The following ZXDB variants were observed in gnomAD, a reference collection of about 807,000 sequenced individuals.
ZXDB encodes zinc finger X-linked duplicated B.
For missense variants in ZXDB, 413 were observed against 679.1 expected, an observed-to-expected ratio of 0.61 and a Z score of 4.36; for synonymous variants, 273 against 314.3, an observed-to-expected ratio of 0.87 and a Z score of 1.39.
rs1602951207 is a variant in ZXDB at position 57,596,180 on chromosome X, TGCCCACATGCATAAGA to T, written c.*1723_*1738del. The T allele has an allele frequency of 8.1e-6, 1 of 123,031 alleles. No individual in the cohort carries two copies. Among genetic ancestry groups the T allele is most frequent in the Non-Finnish European group, 1.9e-5 (1 of 53,209 alleles). The allele number at this position is 123,031 out of a possible 1,213,427, so 10.1% of individuals were successfully genotyped here. A position where few individuals can be genotyped will look rare whatever the true frequency, so the allele number is the denominator to read the frequency against. On this transcript the variant is annotated 3_prime_UTR_variant, in exon 1 of 1. Transcript: ENST00000374888. ...TGGGTAATACCAGGAGTGGGGACAT[TGCCCACATGCATAAGA>T]GCGTATCTCTCCATTCGATCAGTTT...
In ZXDB at chrX:57,597,236, A is replaced by G. The variant is rs2057913255; in HGVS notation, c.*2776A>G. ...GGTTGTATTCATTTAGTGAAAAACA[A>G]AAAGTAGATGTACTTCTGTAAATCA... On this transcript the variant is annotated 3_prime_UTR_variant, in exon 1 of 1. Coordinates refer to ENST00000374888, the MANE Select transcript of ZXDB (RefSeq NM_007157.4). The G allele has an allele frequency of 8.1e-6, 1 of 123,652 alleles. No individual in the cohort carries two copies. Among genetic ancestry groups the G allele is most frequent in the South Asian group, 3.7e-4 (1 of 2,734 alleles). 10.2% of individuals were successfully genotyped at this position (123,652 alleles called of 1,213,427 possible).
Position 57,597,385 on chromosome X carries a change from C to T in ZXDB, c.*2925C>T, listed in dbSNP as rs907450977. On this transcript the variant is annotated 3_prime_UTR_variant, in exon 1 of 1. Transcript: ENST00000374888. Reference sequence around the variant, plus strand: ...ATTCATTAAGGCCTCTTAAATAGACCACTATTTTTTGTGTCTGGCAGATGA... The same window carrying T: ...ATTCATTAAGGCCTCTTAAATAGACTACTATTTTTTGTGTCTGGCAGATGA... 5 of 122,953 alleles carry T rather than the reference C, an allele frequency of 4.1e-5. No homozygotes were observed. The highest frequency in any genetic ancestry group is 1.6e-4 in the African/African-American group (5 of 30,738). The allele number at this position is 122,953 out of a possible 1,213,427, so 10.1% of individuals were successfully genotyped here.
At position 57,593,772 on chromosome X, in the gene ZXDB, G is replaced by T; in HGVS notation, c.1724G>T (p.Gly575Val). Residue 575 changes from glycine to valine, a missense_variant, in exon 1 of 1, where the codon GGC becomes GTC. Coordinates refer to ENST00000374888, the MANE Select transcript of ZXDB (RefSeq NM_007157.4). The stretch of plus-strand genomic sequence containing the variant: ...CACATGGTTAAAAGGCATAAGGTGG[G>T]CCAGGATCTCTTAGCTCAGCTAGAA... ...KTHMVKRHKV[G>V]QDLLAQLEAA... 1 of 1,211,042 alleles carries T rather than the reference G, an allele frequency of 8.3e-7. No homozygotes were observed. The highest frequency in any genetic ancestry group is 1.1e-6 in the Non-Finnish European group (1 of 895,248).
At position 57,592,267 on chromosome X, in the gene ZXDB, G is replaced by T. The variant is rs1024332612; in HGVS notation, c.219G>T (p.Leu73=). The T allele has an allele frequency of 8.5e-7, 1 of 1,177,054 alleles. No homozygotes were observed. Among genetic ancestry groups the T allele is most frequent in the East Asian group, 3.3e-5 (1 of 30,667 alleles). ...STASRGPGPS[L]LAPRTDQPSG... ...CATCACGGGGCCCTGGCCCAAGCCT[G>T]TTGGCGCCGAGGACCGATCAACCTA... is the stretch of plus-strand genomic sequence containing the variant. The change falls in exon 1 of 1, where the codon CTG becomes CTT. Residue 73 remains leucine, a synonymous_variant. Transcript: ENST00000374888.
At position 57,592,292 on chromosome X, in the gene ZXDB, A is replaced by AGCGGCGGCG. The variant is rs762823700; in HGVS notation, c.260_268dup (p.Gly87_Gly89dup). On this transcript the variant is annotated inframe_insertion, in exon 1 of 1. Transcript: ENST00000374888. ...GTTGGCGCCGAGGACCGATCAACCT[A>AGCGGCGGCG]GCGGCGGCGGCGGCGGCGGCGGCGA... 145 of 1,183,722 alleles carry AGCGGCGGCG rather than the reference A, an allele frequency of 1.2e-4. No individual in the cohort carries two copies. Among genetic ancestry groups the AGCGGCGGCG allele is most frequent in the Middle Eastern group, 3.3e-4 (1 of 3,069 alleles).
Position 57,592,754 on chromosome X carries a change from C to T in ZXDB, c.706C>T (p.Pro236Ser). 8.7e-7 allele frequency: 1 copy of T among 1,153,630 alleles called. No homozygotes were observed. Among genetic ancestry groups the T allele is most frequent in the Non-Finnish European group, 1.1e-6 (1 of 870,049 alleles). ...ELPPDLLLAE[P>S]AEPAPAPAPE... ...GCCGCCAGACCTCCTGCTAGCTGAG[C>T]CGGCCGAACCCGCGCCAGCTCCGGC... Residue 236 changes from proline to serine, a missense_variant, in exon 1 of 1, where the codon CCG becomes TCG. Pro to Ser is a moderately conservative substitution (Grantham distance 74, BLOSUM62 -1). Coordinates refer to ENST00000374888, the MANE Select transcript of ZXDB (RefSeq NM_007157.4).
rs767967967 is a variant in ZXDB, at chrX:57,592,493, G to A, written c.445G>A (p.Ala149Thr). ...TGCGCTAGGCCCCCGCTGCCTGTCCGCGGTTCCCACTCCGGCCCCGATCTC... is the reference window on the plus strand; with the variant it reads ...TGCGCTAGGCCCCCGCTGCCTGTCCACGGTTCCCACTCCGGCCCCGATCTC... ...PTALGPRCLS[A>T]VPTPAPISAP... The change falls in exon 1 of 1, where the codon GCG becomes ACG. Residue 149 changes from alanine (A) to threonine (T), a missense_variant. Ala to Thr is a moderately conservative substitution (Grantham distance 58, BLOSUM62 0). Coordinates refer to ENST00000374888, the MANE Select transcript of ZXDB (RefSeq NM_007157.4). 1 of 1,183,316 alleles carries A rather than the reference G, an allele frequency of 8.5e-7. No individual in the cohort carries two copies. Among genetic ancestry groups the A allele is most frequent in the East Asian group, 3.1e-5 (1 of 32,069 alleles).
rs370834232 is a variant in ZXDB, at chrX:57,594,146, A to G, written c.2098A>G (p.Ser700Gly). ...QSSLNMDEVS[S>G]VSVGPLGSLD... ...CTCCTTAAATATGGATGAGGTCTCA[A>G]GTGTAAGTGTGGGGCCATTGGGATC... The change falls in exon 1 of 1, where the codon AGT (serine) becomes GGT (glycine). Residue 700 changes from serine (S) to glycine (G), a missense_variant. Ser to Gly is a moderately conservative substitution (Grantham distance 56). Transcript: ENST00000374888. The G allele has an allele frequency of 1.0e-4, 122 of 1,190,354 alleles. No individual in the cohort carries two copies. The African/African-American group carries it at 1.9e-3, about 18-fold the overall frequency.
At position 57,594,587 on chromosome X, in the gene ZXDB, A is replaced by G. The variant is rs2147344397; in HGVS notation, c.*127A>G. On this transcript the variant is annotated 3_prime_UTR_variant, in exon 1 of 1. Coordinates refer to ENST00000374888, the MANE Select transcript of ZXDB (RefSeq NM_007157.4). ...TGCAAAAAGAGCACAGCCCTGGACTACAAGTTTGGAGATTTAAATTCTGAT... is the reference window on the plus strand; with the variant it reads ...TGCAAAAAGAGCACAGCCCTGGACTGCAAGTTTGGAGATTTAAATTCTGAT... 2.3e-6 allele frequency: 2 copies of G among 887,520 alleles called. No individual in the cohort carries two copies. Among genetic ancestry groups the G allele is most frequent in the Non-Finnish European group, 3.1e-6 (2 of 643,236 alleles). The allele number at this position is 887,520 out of a possible 1,213,427, so 73.1% of individuals were successfully genotyped here. A position where few individuals can be genotyped will look rare whatever the true frequency, so the allele number is the denominator to read the frequency against.
chrX:57,597,215 G>A lies in ZXDB; in HGVS notation c.*2755G>A, dbSNP rs1465929706. The A allele has an allele frequency of 8.1e-6, 1 of 123,315 alleles. No individual in the cohort carries two copies. The highest frequency in any genetic ancestry group is 3.2e-5 in the African/African-American group (1 of 30,822). 10.2% of individuals were successfully genotyped at this position (123,315 alleles called of 1,213,427 possible). A position where few individuals can be genotyped will look rare whatever the true frequency, so the allele number is the denominator to read the frequency against. ...ACCCACATATATATTAAAAGTGGTT[G>A]TATTCATTTAGTGAAAAACAAAAAG... On this transcript the variant is annotated 3_prime_UTR_variant, in exon 1 of 1. Coordinates refer to ENST00000374888, the MANE Select transcript of ZXDB (RefSeq NM_007157.4).
rs777334886 is a variant in ZXDB at position 57,592,595 on chromosome X, G to C, written c.547G>C (p.Gly183Arg). The change falls in exon 1 of 1, where the codon GGC (glycine) becomes CGC (arginine). Residue 183 changes from glycine to arginine, a missense_variant. Gly to Arg is a moderately radical substitution (Grantham distance 125). Transcript: ENST00000374888. The part of the protein sequence containing the change: ...NQDLLLRFEN[G>R]VLTLATPPPH... ...GGACCTGCTGTTGCGCTTTGAGAACGGCGTCCTCACCCTGGCCACGCCCCC... is the reference window on the plus strand; with the variant it reads ...GGACCTGCTGTTGCGCTTTGAGAACCGCGTCCTCACCCTGGCCACGCCCCC... 146 of 1,197,924 alleles carry C rather than the reference G, an allele frequency of 1.2e-4. No individual in the cohort carries two copies. Among genetic ancestry groups the C allele is most frequent in the Non-Finnish European group, 1.5e-4 (136 of 890,391 alleles).
rs2057904365 is a variant in ZXDB, at chrX:57,594,198, C to G, written c.2150C>G (p.Ser717Cys). The change falls in exon 1 of 1, where the codon TCC becomes TGC. Residue 717 changes from serine to cysteine, a missense_variant. Physicochemically the swap from Ser to Cys is moderately radical, Grantham distance 112. Transcript: ENST00000374888. The part of the protein sequence containing the change: ...GSLDSLAMKN[S>C]SPEPQALTPS... ...CTGGACTCTTTGGCCATGAAAAACTCCAGTCCAGAGCCTCAGGCTTTGACA... is the reference window on the plus strand; with the variant it reads ...CTGGACTCTTTGGCCATGAAAAACTGCAGTCCAGAGCCTCAGGCTTTGACA... 1.7e-6 allele frequency: 2 copies of G among 1,205,125 alleles called. No individual in the cohort carries two copies. The highest frequency in any genetic ancestry group is 2.2e-6 in the Non-Finnish European group (2 of 893,619).
chrX:57,592,783 TGAG>T lies in ZXDB; in HGVS notation c.743_745del (p.Glu248del). The T allele has an allele frequency of 3.5e-6, 4 of 1,149,229 alleles. No individual in the cohort carries two copies. The highest frequency in any genetic ancestry group is 3.5e-6 in the Non-Finnish European group (3 of 867,609). 94.7% of individuals were successfully genotyped at this position (1,149,229 alleles called of 1,213,427 possible). A position where few individuals can be genotyped will look rare whatever the true frequency, so the allele number is the denominator to read the frequency against. On this transcript the variant is annotated inframe_deletion, in exon 1 of 1. Coordinates refer to ENST00000374888, the MANE Select transcript of ZXDB (RefSeq NM_007157.4). Reference sequence around the variant, plus strand: ...CCGAACCCGCGCCAGCTCCGGCGCCTGAGGAGGAGGCGGAGGGCCCGGCCGCCG... The same window carrying T: ...CCGAACCCGCGCCAGCTCCGGCGCCTGAGGAGGCGGAGGGCCCGGCCGCCG...
chrX:57,594,463 C>A lies in ZXDB; in HGVS notation c.*3C>A. Reference sequence around the variant, plus strand: ...CTGGCAGCTCATTTTTGGTATGAACCAACTCTATTCATTCCTCATCATGTG... The same window carrying A: ...CTGGCAGCTCATTTTTGGTATGAACAAACTCTATTCATTCCTCATCATGTG... On this transcript the variant is annotated 3_prime_UTR_variant, in exon 1 of 1. Transcript: ENST00000374888. 1 of 1,192,945 alleles carries A rather than the reference C, an allele frequency of 8.4e-7. No homozygotes were observed. The highest frequency in any genetic ancestry group is 2.3e-5 in the Admixed American group (1 of 43,742).
At position 57,596,178 on chromosome X, in the gene ZXDB, A is replaced by G. The variant is rs1160987611; in HGVS notation, c.*1718A>G. ...TGTGGGTAATACCAGGAGTGGGGAC[A>G]TTGCCCACATGCATAAGAGCGTATC... On this transcript the variant is annotated 3_prime_UTR_variant, in exon 1 of 1. Coordinates refer to ENST00000374888, the MANE Select transcript of ZXDB (RefSeq NM_007157.4). The G allele has an allele frequency of 2.4e-5, 3 of 123,009 alleles. No homozygotes were observed. Among genetic ancestry groups the G allele is most frequent in the Non-Finnish European group, 5.6e-5 (3 of 53,200 alleles). 10.1% of individuals were successfully genotyped at this position (123,009 alleles called of 1,213,427 possible). A position where few individuals can be genotyped will look rare whatever the true frequency, so the allele number is the denominator to read the frequency against.
In ZXDB at chrX:57,594,677, TTTCC is replaced by T; in HGVS notation, c.*220_*223del. ...GTCAGTTAACCTATCTGAGCCTTAATTTCCTTATTTATAAATTGAGGTGGTTTGA... is the reference window on the plus strand; with the variant it reads ...GTCAGTTAACCTATCTGAGCCTTAATTTATTTATAAATTGAGGTGGTTTGA... On this transcript the variant is annotated 3_prime_UTR_variant, in exon 1 of 1. Transcript: ENST00000374888. The T allele has an allele frequency of 2.4e-6, 1 of 409,376 alleles. No homozygotes were observed. Among genetic ancestry groups the T allele is most frequent in the Non-Finnish European group, 4.1e-6 (1 of 243,239 alleles). The allele number at this position is 409,376 out of a possible 1,213,427, so 33.7% of individuals were successfully genotyped here. A position where few individuals can be genotyped will look rare whatever the true frequency, so the allele number is the denominator to read the frequency against.
chrX:57,592,849 C>G lies in ZXDB; in HGVS notation c.801C>G (p.Gly267=). ...GPRGPLGSGP[G]VVLYLCPEAQ... ...GCGGACCGCTGGGCTCCGGCCCAGG[C>G]GTGGTGCTGTACTTGTGCCCCGAGG... The change falls in exon 1 of 1, where the codon GGC becomes GGG. Residue 267 remains glycine (G), a synonymous_variant. Transcript: ENST00000374888. 1 of 1,172,693 alleles carries G rather than the reference C, an allele frequency of 8.5e-7. No individual in the cohort carries two copies. Among genetic ancestry groups the G allele is most frequent in the Non-Finnish European group, 1.1e-6 (1 of 876,808 alleles).
At position 57,594,444 on chromosome X, in the gene ZXDB, G is replaced by A; in HGVS notation, c.2396G>A (p.Ser799Asn). The A allele has an allele frequency of 8.3e-7, 1 of 1,206,001 alleles. No individual in the cohort carries two copies. Among genetic ancestry groups the A allele is most frequent in the Non-Finnish European group, 1.1e-6 (1 of 892,870 alleles). ...KETDLITVTG[S>N]SFLV Reference sequence around the variant, plus strand: ...ACAGATCTTATCACTGTGACTGGCAGCTCATTTTTGGTATGAACCAACTCT... The same window carrying A: ...ACAGATCTTATCACTGTGACTGGCAACTCATTTTTGGTATGAACCAACTCT... The change falls in exon 1 of 1, where the codon AGC (serine) becomes AAC (asparagine). Residue 799 changes from serine to asparagine, a missense_variant. Ser to Asn is a conservative substitution (Grantham distance 46). Transcript: ENST00000374888.
rs1569405857 is a variant in ZXDB at position 57,594,332 on chromosome X, C to T, written c.2284C>T (p.His762Tyr). Reference sequence around the variant, plus strand: ...ACCAACCAAAGCGGAGTGGAACGTACATCCTGACTCTGACTTCTTTGGACA... The same window carrying T: ...ACCAACCAAAGCGGAGTGGAACGTATATCCTGACTCTGACTTCTTTGGACA... ...LTPTKAEWNV[H>Y]PDSDFFGQEG... The change falls in exon 1 of 1, where the codon CAT becomes TAT. Residue 762 changes from histidine to tyrosine, a missense_variant. By Grantham distance (83) the His-to-Tyr change is moderately conservative (BLOSUM62 2). Coordinates refer to ENST00000374888, the MANE Select transcript of ZXDB (RefSeq NM_007157.4). 8.3e-7 allele frequency: 1 copy of T among 1,211,941 alleles called. No homozygotes were observed.
Sources: allele counts gnomAD v4.1 joint callset, GRCh38; gene constraint gnomAD v4.1.1; transcripts MANE v1.5; gene names NCBI Gene and HGNC (gene_info 2026-07-23, HGNC 2026-07-21).